CTNND2: variants seen among roughly 807,000 people sequenced by gnomAD.
CTNND2 encodes the protein catenin delta-2.
In CTNND2, 22 loss-of-function variants were observed where a neutral mutation model predicts 144.4. That is an observed-to-expected ratio of 0.15 (90% CI 0.11 to 0.22). CTNND2 has a LOEUF of 0.22. Ranked by LOEUF, CTNND2 falls within the 10% of genes least tolerant of loss-of-function variation. CTNND2 has a pLI of 1.00. For synonymous variants in CTNND2, 751 were observed against 695.6 expected, an observed-to-expected ratio of 1.08 and a Z score of -1.25; for missense variants, 1,353 against 1,618.8, an observed-to-expected ratio of 0.84 and a Z score of 2.82.
chr5:11,399,963 A>G (rs1466729260), intron 5 of CTNND2, among the ~76,000 whole-genome samples: 1 of 152,228 alleles, frequency 6.6e-6, no homozygotes, highest in East Asian at 1.9e-4. Context: ...ACACGTTAAA[A>G]TTTTAGGACA....
At chr5:11,818,647 C>T (rs1379311787) in intron 1 of CTNND2, among the ~76,000 whole-genome samples, 7 of 152,184 alleles carry the variant, frequency 4.6e-5, no homozygotes, top group South Asian at 2.1e-4. Context: ...GGATTACAGG[C>T]GTTAGCCACC....
At chr5:11,379,223 T>C (rs1227709977) in intron 7 of CTNND2, among the ~76,000 whole-genome samples, 4 of 152,240 alleles carry the variant, frequency 2.6e-5, no homozygotes. Context: ...CTTTTTTAGA[T>C]ACTATTATTA....
At chr5:11,832,885 G>A (rs1344554149) in intron 1 of CTNND2, among the ~76,000 whole-genome samples, 2 of 152,174 alleles carry the variant, frequency 1.3e-5, no homozygotes, top group Non-Finnish European at 2.9e-5. Context: ...AGGCTGCTGT[G>A]AGCGGTGATT....
chr5:11,378,625 T>C (rs1758166767), intron 7 of CTNND2, among the ~76,000 whole-genome samples: 1 of 152,174 alleles, frequency 6.6e-6, no homozygotes, highest in Non-Finnish European at 1.5e-5. Context: ...CTTTCCAAAA[T>C]GAATTGAAAG....
chr5:11,441,484 T>A (rs1360882056), intron 3 of CTNND2, among the ~76,000 whole-genome samples: 1 of 150,824 alleles, frequency 6.6e-6, no homozygotes, highest in Admixed American at 6.6e-5. Context: ...GTTCAAGCAA[T>A]TCTCCTGCCT....
chr5:11,316,639 C>T (rs927074729), intron 9 of CTNND2, among the ~76,000 whole-genome samples: 15 of 151,368 alleles, frequency 9.9e-5, no homozygotes, highest in Non-Finnish European at 1.9e-4. Flanking sequence ...TATCCCTCCC[C>T]CTTCCCCCCA....
rs142156130 is a variant in CTNND2, at chr5:11,509,815, G to A, written c.287+55129C>T. ...ACAGGTGCTACGGAGGAATGTTTTC[G>A]GATTTCACACCTTTTCTACAGAGAG... On this transcript the variant is annotated intron_variant, in intron 3 of 21. Coordinates refer to ENST00000304623, the MANE Select transcript of CTNND2 (RefSeq NM_001332.4). Among the ~76,000 whole-genome samples the A allele has an allele frequency of 4.1e-3, 623 of 152,148 alleles. 5 individuals are homozygous for A. Among genetic ancestry groups the A allele is most frequent in the African/African-American group, 0.014 (593 of 41,514 alleles).
chr5:10,976,418 G>A (rs7728798), intron 21 of CTNND2, among the ~76,000 whole-genome samples: 15,568 of 152,224 alleles, frequency 0.1, 895 homozygotes, highest in East Asian at 0.21. Flanking sequence ...GATGAGGGAT[G>A]TAGAATGATG....
At chr5:11,188,375 T>C (rs1025984514) in intron 11 of CTNND2, among the ~76,000 whole-genome samples, 13 of 152,172 alleles carry the variant, frequency 8.5e-5, no homozygotes, top group African/African-American at 2.4e-5. Flanking sequence ...ACACTGCATG[T>C]TCTCACTTAA....
intron 3 of CTNND2, among the ~76,000 whole-genome samples, chr5:11,457,623 A>G (rs1185708517): frequency 6.6e-6 from 1 of 152,160 alleles, no homozygotes. Flanking sequence ...TCATTGTCAG[A>G]AATGGAGATA....
At chr5:11,101,333 T>A (rs1241941370) in intron 14 of CTNND2, among the ~76,000 whole-genome samples, 1 of 152,250 alleles carries the variant, frequency 6.6e-6, no homozygotes, top group African/African-American at 2.4e-5. Flanking sequence ...ATGCTTGATA[T>A]TATTTTGTCT....
chr5:11,372,327 T>C (rs1757540385), intron 7 of CTNND2, among the ~76,000 whole-genome samples: 2 of 152,210 alleles, frequency 1.3e-5, no homozygotes, highest in Non-Finnish European at 1.5e-5. Context: ...ATTCCCAAAC[T>C]GTTAGGAAAA....
At chr5:11,059,999 G>A (rs983450148) in intron 16 of CTNND2, among the ~76,000 whole-genome samples, 1 of 152,122 alleles carries the variant, frequency 6.6e-6, no homozygotes, top group African/African-American at 2.4e-5. Context: ...AAAATAAGGA[G>A]AGCTTGACTA....
At chr5:11,834,183 C>G (rs1000260604) in intron 1 of CTNND2, among the ~76,000 whole-genome samples, 3 of 152,126 alleles carry the variant, frequency 2.0e-5, no homozygotes, top group African/African-American at 7.2e-5. Flanking sequence ...TTCTTAATAA[C>G]TGCACCATCA....
intron 1 of CTNND2, among the ~76,000 whole-genome samples, chr5:11,840,456 C>T (rs576258783): frequency 6.6e-6 from 1 of 152,200 alleles, no homozygotes; most frequent in Non-Finnish European, 1.5e-5. Context: ...GATGGGAAAC[C>T]TAGAGGTCTG....
chr5:11,200,916 T>C (rs1737366368), intron 10 of CTNND2, among the ~76,000 whole-genome samples: 1 of 147,100 alleles, frequency 6.8e-6, no homozygotes, highest in Non-Finnish European at 1.5e-5. Context: ...CCTGACCTCG[T>C]GATCCGCCCG....
chr5:11,275,996 A>T lies in CTNND2; in HGVS notation c.1629-39173T>A, dbSNP rs553246073. 1.1e-4 allele frequency among the ~76,000 whole-genome samples: 17 copies of T among 152,390 alleles called. No individual in the cohort carries two copies. In the East Asian group the frequency reaches 1.9e-3, roughly 17 times the overall value. On this transcript the variant is annotated intron_variant, in intron 9 of 21. Coordinates refer to ENST00000304623, the MANE Select transcript of CTNND2 (RefSeq NM_001332.4). ...AACATGGTCTTAGTTGTTTCTTAGA[A>T]ATTCAAAACAACCTTATTTCTTTAT...
chr5:11,716,990 C>A (rs1169091674), intron 2 of CTNND2, among the ~76,000 whole-genome samples: 1 of 152,008 alleles, frequency 6.6e-6, no homozygotes, highest in African/African-American at 2.4e-5. Flanking sequence ...GCCTCAGCCT[C>A]CCGAGTAGCT....
intron 17 of CTNND2, among the ~76,000 whole-genome samples, chr5:11,021,933 T>C (rs1449198506): frequency 6.6e-6 from 1 of 152,178 alleles, no homozygotes; most frequent in Non-Finnish European, 1.5e-5. Flanking sequence ...CAAAATTTAA[T>C]TAAGGTTAGT....
Sources: gnomAD v4.1 joint callset for allele counts (sites outside exome capture counted in the v4.1 genomes callset) on GRCh38, gnomAD v4.1.1 for gene constraint, MANE v1.5 for transcripts, NCBI Gene and HGNC (gene_info 2026-07-23, HGNC 2026-07-21) for gene names.